Variants in KCNB2 observed in about 807,000 individuals in gnomAD.
KCNB2 encodes delayed rectifier potassium channel protein.
In KCNB2, 15 loss-of-function variants were observed where a neutral mutation model predicts 61.5. That is an observed-to-expected ratio of 0.24 (90% CI 0.16 to 0.38). The LOEUF is 0.38. Among genes scored for constraint, KCNB2 ranks in the 10% least tolerant of loss-of-function variants. KCNB2 has a pLI of 1.00. For synonymous variants in KCNB2, 457 were observed against 446.0 expected, an observed-to-expected ratio of 1.02 and a Z score of -0.31; for missense variants, 828 against 1,125.2, an observed-to-expected ratio of 0.74 and a Z score of 3.78.
At chr8:72,927,781 C>A (rs1254756341) in intron 2 of KCNB2, among the ~76,000 whole-genome samples, 1 of 152,174 alleles carries the variant, frequency 6.6e-6, no homozygotes, top group African/African-American at 2.4e-5. Context: ...TAATCACAAA[C>A]CCCTATGTGT....
chr8:72,617,332 T>C (rs1001443440), intron 2 of KCNB2, among the ~76,000 whole-genome samples: 1 of 152,116 alleles, frequency 6.6e-6, no homozygotes, highest in South Asian at 2.1e-4. Flanking sequence ...TAGCCAGTGA[T>C]GTATGTTGCA....
At chr8:72,750,694 C>T (rs1329147709) in intron 2 of KCNB2, 1 of 152,164 alleles carries the variant, frequency 6.6e-6, no homozygotes, top group Non-Finnish European at 1.5e-5. Flanking sequence ...CCCTTCCAAC[C>T]AAGCACCAGG....
chr8:72,824,812 A>C (rs1809570413), intron 2 of KCNB2, among the ~76,000 whole-genome samples: 1 of 152,102 alleles, frequency 6.6e-6, no homozygotes. Context: ...GATCCCTTGC[A>C]AGGCTTCCTC....
intron 2 of KCNB2, among the ~76,000 whole-genome samples, chr8:72,798,356 C>G (rs948370207): frequency 8.5e-5 from 13 of 152,110 alleles, no homozygotes; most frequent in Non-Finnish European, 5.9e-5. Flanking sequence ...TGCCCTGACA[C>G]GCCTACTGGA....
At chr8:72,771,659 G>A (rs144199434) in intron 2 of KCNB2, among the ~76,000 whole-genome samples, 178 of 152,228 alleles carry the variant, frequency 1.2e-3, no homozygotes, top group African/African-American at 3.8e-3. Flanking sequence ...CAAGGAGCAA[G>A]TAGGCGCAGA....
intron 1 of KCNB2, among the ~76,000 whole-genome samples, chr8:72,553,815 T>A (rs1806381236): frequency 6.6e-6 from 1 of 152,136 alleles, no homozygotes; most frequent in Non-Finnish European, 1.5e-5. Flanking sequence ...TTTTTTTAAA[T>A]CTGGGGAGCT....
At chr8:72,749,375 A>G (rs981852682) in intron 2 of KCNB2, 18 of 151,906 alleles carry the variant, frequency 1.2e-4, no homozygotes, top group Admixed American at 8.5e-4. Context: ...AGTCCTCCCA[A>G]CTCAGCAAGG....
chr8:72,905,482 A>C (rs1469104339), intron 2 of KCNB2, among the ~76,000 whole-genome samples: 1 of 152,208 alleles, frequency 6.6e-6, no homozygotes, highest in African/African-American at 2.4e-5. Context: ...TAGAAAGTTA[A>C]GTGAATTTTA....
intron 2 of KCNB2, among the ~76,000 whole-genome samples, chr8:72,577,969 A>G (rs772128364): frequency 3.3e-5 from 5 of 152,240 alleles, no homozygotes; most frequent in Non-Finnish European, 7.3e-5. Flanking sequence ...TTCTTCAAAT[A>G]TAGATTTTTT....
chr8:72,742,686 G>A (rs1205494875), intron 2 of KCNB2, among the ~76,000 whole-genome samples: 3 of 152,090 alleles, frequency 2.0e-5, no homozygotes, highest in Non-Finnish European at 4.4e-5. Flanking sequence ...CCTCCTGTGC[G>A]TGGAAGGGGC....
At chr8:72,908,335 T>A (rs1355572323) in intron 2 of KCNB2, among the ~76,000 whole-genome samples, 16 of 152,224 alleles carry the variant, frequency 1.1e-4, no homozygotes, top group Admixed American at 1.0e-3. Context: ...TTTATAGAAC[T>A]GATTTCAGTT....
intron 2 of KCNB2, among the ~76,000 whole-genome samples, chr8:72,773,247 A>G (rs945658793): frequency 2.6e-5 from 4 of 152,188 alleles, no homozygotes; most frequent in Non-Finnish European, 5.9e-5. Flanking sequence ...GCTGCACGTC[A>G]TGAAAACTCA....
chr8:72,899,105 C>T (rs1432515171), intron 2 of KCNB2, among the ~76,000 whole-genome samples: 2 of 152,220 alleles, frequency 1.3e-5, no homozygotes, highest in African/African-American at 4.8e-5. Context: ...AATCAATAAA[C>T]GTGATTCACT....
intron 2 of KCNB2, among the ~76,000 whole-genome samples, chr8:72,594,579 A>G (rs988079357): frequency 6.6e-6 from 1 of 152,158 alleles, no homozygotes; most frequent in Non-Finnish European, 1.5e-5. Context: ...TTTGGTAATG[A>G]CCAAAATTTC....
At chr8:72,804,758 T>C (rs1032177964) in intron 2 of KCNB2, among the ~76,000 whole-genome samples, 2 of 152,198 alleles carry the variant, frequency 1.3e-5, no homozygotes, top group Admixed American at 1.3e-4. Flanking sequence ...ACACCTGTTG[T>C]CTGTAGTATT....
intron 2 of KCNB2, among the ~76,000 whole-genome samples, chr8:72,896,354 C>G (rs1805988625): frequency 6.6e-6 from 1 of 152,124 alleles, no homozygotes; most frequent in African/African-American, 2.4e-5. Context: ...GCAAATGCAA[C>G]ATGTACCTTT....
At chr8:72,870,651 T>C (rs1455451909) in intron 2 of KCNB2, among the ~76,000 whole-genome samples, 1 of 152,214 alleles carries the variant, frequency 6.6e-6, no homozygotes, top group Non-Finnish European at 1.5e-5. Flanking sequence ...GGCTTCCCCA[T>C]AAGTTGTAAT....
At chr8:72,539,216 A>C (rs920962123) in intron 1 of KCNB2, among the ~76,000 whole-genome samples, 1 of 152,206 alleles carries the variant, frequency 6.6e-6, no homozygotes, top group Non-Finnish European at 1.5e-5. Context: ...GGCACATTAC[A>C]CATGTGTATG....
At chr8:72,565,754 A>C (rs1342237448) in intron 1 of KCNB2, among the ~76,000 whole-genome samples, 1 of 152,138 alleles carries the variant, frequency 6.6e-6, no homozygotes, top group African/African-American at 2.4e-5. Flanking sequence ...ATTGATCCCA[A>C]TAACTCCATT....
Sources: gnomAD v4.1 joint callset for allele counts (sites outside exome capture counted in the v4.1 genomes callset) on GRCh38, gnomAD v4.1.1 for gene constraint, MANE v1.5 for transcripts, NCBI Gene and HGNC (gene_info 2026-07-23, HGNC 2026-07-21) for gene names.